The following SLFN12L variants were observed in gnomAD, a reference collection of about 807,000 sequenced individuals.
The protein encoded by SLFN12L is schlafen family member 12 like.
SLFN12L carries 34 observed loss-of-function variants against 34.8 expected under a neutral mutation model. The ratio of observed to expected loss-of-function variants is 0.98; its 90% confidence interval spans 0.74 to 1.30. SLFN12L has a LOEUF of 1.30. Ranked by LOEUF, SLFN12L falls within the 50% of genes most tolerant of loss-of-function variation. The pLI is 0.00. For missense variants in SLFN12L, 703 were observed against 696.2 expected, an observed-to-expected ratio of 1.01 and a Z score of -0.11; for synonymous variants, 259 against 247.5, an observed-to-expected ratio of 1.05 and a Z score of -0.44.
intron 1 of SLFN12L, among the ~76,000 whole-genome samples, chr17:35,528,184 C>T (rs1203771208): frequency 6.6e-6 from 1 of 152,166 alleles, no homozygotes; most frequent in African/African-American, 2.4e-5. Context: ...CAAACCACTG[C>T]TCAAGGAAAT....
At chr17:35,535,365 T>A (rs901016138) in intron 1 of SLFN12L, among the ~76,000 whole-genome samples, 8 of 151,854 alleles carry the variant, frequency 5.3e-5, no homozygotes, top group Non-Finnish European at 1.0e-4. Context: ...TAATTTTTTT[T>A]TTTTTATTTT....
chr17:35,532,359 G>A (rs969056073), intron 1 of SLFN12L, among the ~76,000 whole-genome samples: 2 of 151,706 alleles, frequency 1.3e-5, no homozygotes, highest in Non-Finnish European at 1.5e-5. Context: ...AGAATTGCTT[G>A]GACCTGGGAG....
chr17:35,499,515 T>C (rs771866618), intron 2 of SLFN12L, among the ~76,000 whole-genome samples: 20 of 152,346 alleles, frequency 1.3e-4, no homozygotes. Flanking sequence ...TGTGCGTACA[T>C]TTGCTCAGGT....
chr17:35,509,249 C>T lies in SLFN12L; in HGVS notation c.86+13030G>A, dbSNP rs1029011489. ...GAGGGAGAGGAAGCACCAAGGGTGA[C>T]GTTTGTGTCTCAGGCTTAAACAGTT... On this transcript the variant is annotated intron_variant, in intron 2 of 4. Transcript: ENST00000628453. Among the ~76,000 whole-genome samples the T allele has an allele frequency of 3.9e-5, 6 of 152,254 alleles. 1 individual carries two copies. The highest frequency in any genetic ancestry group is 2.1e-4 in the South Asian group (1 of 4,822).
chr17:35,479,597 T>C lies in SLFN12L; in HGVS notation c.685A>G (p.Arg229Gly), dbSNP rs775944408. Residue 229 changes from arginine to glycine, a missense_variant, in exon 3 of 5, where the codon AGA becomes GGA. By Grantham distance (125) the Arg-to-Gly change is moderately radical (BLOSUM62 -2). Transcript: ENST00000628453. ...MEALAADFFN[R>G]TELGYKEKLT... ...TTTTCTTTATAACCAAGTTCTGTTC[T>C]GTTAAAAAAATCAGCAGCCAAGGCT... is the stretch of plus-strand genomic sequence containing the variant. 1.9e-6 allele frequency: 3 copies of C among 1,612,700 alleles called. No individual in the cohort carries two copies. Among genetic ancestry groups the C allele is most frequent in the Admixed American group, 3.3e-5 (2 of 59,718 alleles).
At chr17:35,530,674 G>T (rs1220183198) in intron 1 of SLFN12L, among the ~76,000 whole-genome samples, 1 of 151,992 alleles carries the variant, frequency 6.6e-6, no homozygotes, top group Non-Finnish European at 1.5e-5. Flanking sequence ...GAACATCAAT[G>T]ATTCTTAGTC....
Position 35,483,516 on chromosome 17 carries a change from A to G in SLFN12L, c.87-3321T>C, listed in dbSNP as rs548204249. 6.6e-5 allele frequency among the ~76,000 whole-genome samples: 10 copies of G among 152,340 alleles called. No homozygotes were observed. In the South Asian group the frequency reaches 1.2e-3, roughly 19 times the overall value. ...AGAAGGTCCTCACCAGAATCCAATG[A>G]TGCTGGTATCTTGATCTTGGACTTC... On this transcript the variant is annotated intron_variant, in intron 2 of 4. Coordinates refer to ENST00000628453, the MANE Select transcript of SLFN12L (RefSeq NM_001363830.2).
chr17:35,526,167 A>T (rs2072333016), intron 1 of SLFN12L, among the ~76,000 whole-genome samples: 1 of 152,236 alleles, frequency 6.6e-6, no homozygotes, highest in African/African-American at 2.4e-5. Flanking sequence ...ACTATCCTAA[A>T]TATATATGTA....
At chr17:35,521,300 T>G (rs1214472045) in intron 2 of SLFN12L, among the ~76,000 whole-genome samples, 1 of 152,186 alleles carries the variant, frequency 6.6e-6, no homozygotes, top group Non-Finnish European at 1.5e-5. Context: ...TTGCGGAGTT[T>G]AGTTCACAGC....
In SLFN12L at chr17:35,522,886, T is replaced by G; in HGVS notation, c.-522A>C. 1.3e-6 allele frequency: 1 copy of G among 778,588 alleles called. No individual in the cohort carries two copies. Among genetic ancestry groups the G allele is most frequent in the Non-Finnish European group, 2.2e-6 (1 of 463,486 alleles). 48.2% of individuals were successfully genotyped at this position (778,588 alleles called of 1,614,324 possible). A position where few individuals can be genotyped will look rare whatever the true frequency, so the allele number is the denominator to read the frequency against. On this transcript the variant is annotated 5_prime_UTR_variant, in exon 2 of 5. Transcript: ENST00000628453. Reference sequence around the variant, plus strand: ...CAGGAGAAAGGTTGGGTTTGCTTATTTATTAACTCCTCTAATCCTTCATTC... The same window carrying G: ...CAGGAGAAAGGTTGGGTTTGCTTATGTATTAACTCCTCTAATCCTTCATTC...
chr17:35,510,510 C>T (rs1915603670), intron 2 of SLFN12L, among the ~76,000 whole-genome samples: 2 of 152,178 alleles, frequency 1.3e-5, no homozygotes, highest in African/African-American at 4.8e-5. Flanking sequence ...TAAAAGGTCA[C>T]ACGCTGTTAT....
At chr17:35,498,456 CTCA>C (rs1915175943) in intron 2 of SLFN12L, 1 of 1,282,502 alleles carries the variant, frequency 7.8e-7, no homozygotes, top group Non-Finnish European at 1.1e-6. Context: ...GCGGAATTTT[CTCA>C]TCGATTCTGA....
intron 2 of SLFN12L, among the ~76,000 whole-genome samples, chr17:35,497,633 A>C (rs1163854369): frequency 6.6e-6 from 1 of 152,204 alleles, no homozygotes; most frequent in Non-Finnish European, 1.5e-5. Flanking sequence ...CTGACTTGGT[A>C]ATAAAATGTA....
chr17:35,530,153 C>G (rs1352832134), intron 1 of SLFN12L, among the ~76,000 whole-genome samples: 41 of 142,198 alleles, frequency 2.9e-4, no homozygotes, highest in Admixed American at 1.2e-3. Flanking sequence ...CGAGACCATC[C>G]TGGCCAACAT....
chr17:35,491,429 C>T (rs1281779136), intron 2 of SLFN12L, among the ~76,000 whole-genome samples: 2 of 152,206 alleles, frequency 1.3e-5, no homozygotes, highest in African/African-American at 2.4e-5. Context: ...ATTGTCTAAA[C>T]GCACAGTTGC....
chr17:35,479,037 T>C (rs1478655463), intron 3 of SLFN12L, 80 bp downstream of exon 3: 1 of 1,062,220 alleles, frequency 9.4e-7, no homozygotes. Context: ...TTTAATCTTG[T>C]CCCTAATCCC....
intron 2 of SLFN12L, among the ~76,000 whole-genome samples, chr17:35,521,357 AAG>A (rs1915990805): frequency 6.6e-6 from 1 of 152,230 alleles, no homozygotes. Flanking sequence ...GTGGTAATGA[AAG>A]AGGGAACTGA....
At chr17:35,489,915 T>C (rs1246763617) in intron 2 of SLFN12L, 20 of 1,044,462 alleles carry the variant, frequency 1.9e-5, no homozygotes, top group Non-Finnish European at 1.7e-5. Flanking sequence ...CAGCACAGCA[T>C]CTTATGCTCC....
rs1597824543 is a variant in SLFN12L at position 35,474,493 on chromosome 17, A to G, written c.*430T>C. On this transcript the variant is annotated 3_prime_UTR_variant, in exon 5 of 5. Coordinates refer to ENST00000628453, the MANE Select transcript of SLFN12L (RefSeq NM_001363830.2). Reference sequence around the variant, plus strand: ...AGAATTAGAGAATGTTACCAAATATATAATGAAAAATATCTCTGTAGCCCA... The same window carrying G: ...AGAATTAGAGAATGTTACCAAATATGTAATGAAAAATATCTCTGTAGCCCA... 6.5e-6 allele frequency: 1 copy of G among 154,238 alleles called. No homozygotes were observed. The highest frequency in any genetic ancestry group is 1.4e-5 in the Non-Finnish European group (1 of 69,288). 9.6% of individuals were successfully genotyped at this position (154,238 alleles called of 1,614,324 possible).
Sources: gnomAD v4.1 joint callset for allele counts (sites outside exome capture counted in the v4.1 genomes callset) on GRCh38, gnomAD v4.1.1 for gene constraint, MANE v1.5 for transcripts, NCBI Gene and HGNC (gene_info 2026-07-23, HGNC 2026-07-21) for gene names.